TSC22D2: variants seen among roughly 807,000 people sequenced by gnomAD.
The protein encoded by TSC22D2 is TSC22 domain family member 2.
In TSC22D2, 5 loss-of-function variants were observed where a neutral mutation model predicts 50.1. That is an observed-to-expected ratio of 0.10 (90% CI 0.05 to 0.21). The LOEUF (loss-of-function observed/expected upper bound fraction) is 0.21, where lower values mean the gene tolerates loss of function less well. TSC22D2 is among the 10% of genes least tolerant of loss of function. TSC22D2 has a pLI of 1.00. For synonymous variants in TSC22D2, 501 were observed against 450.1 expected, an observed-to-expected ratio of 1.11 and a Z score of -1.43; for missense variants, 1,003 against 1,015.5, an observed-to-expected ratio of 0.99 and a Z score of 0.17.
chr3:150,413,952 T>G (rs1007978812), intron 1 of TSC22D2, among the ~76,000 whole-genome samples: 1 of 152,066 alleles, frequency 6.6e-6, no homozygotes, highest in Non-Finnish European at 1.5e-5. Context: ...AATGGGAAAT[T>G]AACAAAAAGA....
chr3:150,449,806 T>C (rs1412426047), intron 1 of TSC22D2, among the ~76,000 whole-genome samples: 3 of 152,096 alleles, frequency 2.0e-5, no homozygotes, highest in African/African-American at 7.2e-5. Context: ...GAAATCTGTT[T>C]TGGAAAATAG....
At position 150,458,626 on chromosome 3, in the gene TSC22D2, CCT is replaced by C; in HGVS notation, c.2263_2264del (p.Ala756IlefsTer5). ...CAACCTCCACAGCAGCCGAATGTCTCCTCAGCATAAAGCTTTCTTAAGCCTCA... is the reference window on the plus strand; with the variant it reads ...CAACCTCCACAGCAGCCGAATGTCTCCAGCATAAAGCTTTCTTAAGCCTCA... On this transcript the variant is annotated frameshift_variant, in exon 3 of 3. Coordinates refer to ENST00000688009, the MANE Select transcript of TSC22D2 (RefSeq NM_001303264.2). LOFTEE classifies it high-confidence loss of function. The C allele has an allele frequency of 6.2e-7, 1 of 1,614,074 alleles. No individual in the cohort carries two copies. Among genetic ancestry groups the C allele is most frequent in the Non-Finnish European group, 8.5e-7 (1 of 1,179,994 alleles).
intron 1 of TSC22D2, among the ~76,000 whole-genome samples, chr3:150,417,601 T>C (rs191730106): frequency 9.2e-5 from 14 of 152,218 alleles, no homozygotes; most frequent in African/African-American, 9.6e-5. Context: ...TTTCCTCTTA[T>C]GAAAAATGGG....
rs553162610 is a variant in TSC22D2, at chr3:150,408,313, C to G, written c.-1038C>G. 1 of 153,696 alleles carries G rather than the reference C, an allele frequency of 6.5e-6. No individual in the cohort carries two copies. Among genetic ancestry groups the G allele is most frequent in the Admixed American group, 6.5e-5 (1 of 15,302 alleles). The allele number at this position is 153,696 out of a possible 1,614,324, so 9.5% of individuals were successfully genotyped here. ...GCGGCATTTTAGTCGGCAGCGGCGG[C>G]GGCAGCGGGGCTGCTGCTCCTCCCA... On this transcript the variant is annotated 5_prime_UTR_variant, in exon 1 of 3. Transcript: ENST00000688009.
In TSC22D2 at chr3:150,411,114, C is replaced by G; in HGVS notation, c.1764C>G (p.Val588=). The change falls in exon 1 of 3, where the codon GTC becomes GTG. Residue 588 remains valine (V), a synonymous_variant. Transcript: ENST00000688009. The part of the protein sequence containing the change: ...SQFQTQTQPL[V]GQVDDTRRKS... ...TTCAAACTCAGACCCAGCCTTTAGT[C>G]GGGCAAGTCGACGATACTAGAAGAA... The G allele has an allele frequency of 1.2e-6, 2 of 1,614,104 alleles. No homozygotes were observed. The highest frequency in any genetic ancestry group is 1.7e-6 in the Non-Finnish European group (2 of 1,180,026).
intron 1 of TSC22D2, among the ~76,000 whole-genome samples, chr3:150,445,453 A>G (rs1046236280): frequency 6.8e-6 from 1 of 147,614 alleles, no homozygotes; most frequent in Admixed American, 6.6e-5. Context: ...AATACAAAAA[A>G]TCAATTAAGG....
intron 1 of TSC22D2, among the ~76,000 whole-genome samples, chr3:150,445,720 T>C (rs1056183742): frequency 5.3e-5 from 8 of 152,162 alleles, no homozygotes; most frequent in African/African-American, 1.2e-4. Flanking sequence ...CTTTAAGATA[T>C]GTACAACTGT....
chr3:150,445,741 A>G (rs1342964297), intron 1 of TSC22D2, among the ~76,000 whole-genome samples: 1 of 152,112 alleles, frequency 6.6e-6, no homozygotes, highest in Admixed American at 6.6e-5. Context: ...ATCCCATTTT[A>G]TAGTTGAGGA....
In TSC22D2 at chr3:150,464,568, G is replaced by A. The variant is rs1167085443; in HGVS notation, c.*5932G>A. 3 of 152,082 alleles carry A rather than the reference G, an allele frequency of 2.0e-5. No individual in the cohort carries two copies. The highest frequency in any genetic ancestry group is 4.4e-5 in the Non-Finnish European group (3 of 67,996). The allele number at this position is 152,082 out of a possible 1,614,324, so 9.4% of individuals were successfully genotyped here. On this transcript the variant is annotated 3_prime_UTR_variant, in exon 3 of 3. Coordinates refer to ENST00000688009, the MANE Select transcript of TSC22D2 (RefSeq NM_001303264.2). ...GTCCAGTGTAAGTGTAAAAGTTAAA[G>A]TGCCATATTGTTTATTCAGAGTATA...
At chr3:150,440,626 T>C (rs1720684777) in intron 1 of TSC22D2, among the ~76,000 whole-genome samples, 1 of 152,056 alleles carries the variant, frequency 6.6e-6, no homozygotes, top group African/African-American at 2.4e-5. Flanking sequence ...AAAACCCTTA[T>C]TAAATGCTAT....
intron 1 of TSC22D2, among the ~76,000 whole-genome samples, chr3:150,417,830 G>GA (rs1560080888): frequency 6.6e-6 from 1 of 151,986 alleles, no homozygotes; most frequent in Non-Finnish European, 1.5e-5. Context: ...GATGTAGTCA[G>GA]AAAAAAGGAG....
intron 1 of TSC22D2, among the ~76,000 whole-genome samples, chr3:150,428,473 G>A (rs1334904441): frequency 6.6e-6 from 1 of 151,942 alleles, no homozygotes; most frequent in Non-Finnish European, 1.5e-5. Context: ...AATCAAGGAA[G>A]TGATAGCCAT....
chr3:150,452,891 CTAAGAA>C (rs1393226283), intron 1 of TSC22D2, among the ~76,000 whole-genome samples: 2 of 152,022 alleles, frequency 1.3e-5, no homozygotes, highest in Non-Finnish European at 2.9e-5. Context: ...GATTTTTATT[CTAAGAA>C]TGATTCATAG....
chr3:150,466,116 C>T lies in TSC22D2; in HGVS notation c.*7480C>T, dbSNP rs1228497203. ...CCGGCATGGAAGGATCTCCAGGAGA[C>T]AATGTTAAAAGTTTGGGGGAAAAAT... is the stretch of plus-strand genomic sequence containing the variant. On this transcript the variant is annotated 3_prime_UTR_variant, in exon 3 of 3. Transcript: ENST00000688009. 1.3e-5 allele frequency: 2 copies of T among 151,686 alleles called. No individual in the cohort carries two copies. Among genetic ancestry groups the T allele is most frequent in the African/African-American group, 4.9e-5 (2 of 41,236 alleles). The allele number at this position is 151,686 out of a possible 1,614,324, so 9.4% of individuals were successfully genotyped here. A position where few individuals can be genotyped will look rare whatever the true frequency, so the allele number is the denominator to read the frequency against.
intron 1 of TSC22D2, among the ~76,000 whole-genome samples, chr3:150,421,982 TCAGTGATGTA>T (rs1433056179): frequency 6.6e-6 from 1 of 152,226 alleles, no homozygotes; most frequent in Non-Finnish European, 1.5e-5. Flanking sequence ...ACCTACTAGC[TCAGTGATGTA>T]AGGCAAGTTA....
Position 150,411,023 on chromosome 3 carries a change from G to A in TSC22D2, c.1673G>A (p.Gly558Glu). 2 of 1,614,176 alleles carry A rather than the reference G, an allele frequency of 1.2e-6. No homozygotes were observed. Among genetic ancestry groups the A allele is most frequent in the Non-Finnish European group, 1.7e-6 (2 of 1,180,038 alleles). Residue 558 changes from glycine to glutamate, a missense_variant, in exon 1 of 3, where the codon GGG (glycine) becomes GAG (glutamate). Gly to Glu is a moderately conservative substitution (Grantham distance 98). Around this residue, in one of 6 missense-constraint regions of TSC22D2, gnomAD observed 696 missense variants for 647.8 expected, o/e 1.07. Transcript: ENST00000688009. ...SRSSSIIQHVGLPLAPGTHSA... is the reference protein window; with the variant it reads ...SRSSSIIQHVELPLAPGTHSA... ...AGCAGCAGCATAATCCAGCATGTTG[G>A]GCTGCCCTTAGCGCCAGGCACACAC...
At chr3:150,444,258 T>C (rs1720808496) in intron 1 of TSC22D2, among the ~76,000 whole-genome samples, 1 of 152,202 alleles carries the variant, frequency 6.6e-6, no homozygotes, top group East Asian at 1.9e-4. Flanking sequence ...TCTTAGATCT[T>C]TGTCCTGGCA....
chr3:150,441,748 A>G (rs766709150), intron 1 of TSC22D2, among the ~76,000 whole-genome samples: 1 of 152,132 alleles, frequency 6.6e-6, no homozygotes, highest in Non-Finnish European at 1.5e-5. Flanking sequence ...AGTGAGACTC[A>G]GTCTCAATCA....
intron 1 of TSC22D2, chr3:150,422,919 G>T: frequency 1.7e-6 from 1 of 598,054 alleles, no homozygotes; most frequent in Non-Finnish European, 2.8e-6. Flanking sequence ...AACTTATGTG[G>T]TTTTAAAATC....
Sources: gnomAD v4.1 joint callset for allele counts (sites outside exome capture counted in the v4.1 genomes callset) on GRCh38, gnomAD v4.1.1 for gene constraint, gnomAD v4.1.1 regional missense constraint, MANE v1.5 for transcripts, NCBI Gene and HGNC (gene_info 2026-07-23, HGNC 2026-07-21) for gene names.